Variants in SLC35F1 observed in about 807,000 individuals in gnomAD.
SLC35F1 encodes chromosome 6 open reading frame 169.
SLC35F1 carries 14 observed loss-of-function variants against 48.7 expected under a neutral mutation model. The ratio of observed to expected loss-of-function variants is 0.29; its 90% CI spans 0.19 to 0.45. The LOEUF (loss-of-function observed/expected upper bound fraction) is 0.45. SLC35F1 is among the 20% of genes least tolerant of loss of function. The probability of loss-of-function intolerance (pLI) is 1.00; values close to 1 mark genes in which losing one functional copy is unlikely to be tolerated. For missense variants in SLC35F1, 404 were observed against 500.0 expected (o/e 0.81, Z 1.83); for synonymous variants, 190 against 202.2 (o/e 0.94, Z 0.51).
intron 2 of SLC35F1, among the ~76,000 whole-genome samples, chr6:118,187,262 C>T (rs991346432): frequency 6.6e-6 from 1 of 152,222 alleles, no homozygotes; most frequent in Non-Finnish European, 1.5e-5. Flanking sequence ...GGAGCACTCA[C>T]ATTTTGAGAG....
chr6:118,162,545 C>T (rs1305816203), intron 2 of SLC35F1, among the ~76,000 whole-genome samples: 2 of 152,130 alleles, frequency 1.3e-5, no homozygotes, highest in African/African-American at 4.8e-5. Context: ...TTCAATGCAT[C>T]TGACTGAAGT....
intron 1 of SLC35F1, among the ~76,000 whole-genome samples, chr6:118,145,281 T>C (rs1293836082): frequency 6.6e-6 from 1 of 152,224 alleles, no homozygotes; most frequent in Admixed American, 6.5e-5. Flanking sequence ...ATCAGAGTCT[T>C]TGACACAGGA....
At chr6:117,943,185 A>G (rs770158861) in intron 1 of SLC35F1, among the ~76,000 whole-genome samples, 12 of 152,222 alleles carry the variant, frequency 7.9e-5, no homozygotes, top group Non-Finnish European at 1.6e-4. Context: ...TGACATGTGT[A>G]TCTCTAACCG....
intron 1 of SLC35F1, among the ~76,000 whole-genome samples, chr6:117,937,954 T>C (rs1776180672): frequency 6.6e-6 from 1 of 152,140 alleles, no homozygotes; most frequent in African/African-American, 2.4e-5. Flanking sequence ...CTTCCCCTTA[T>C]GCCACCACAC....
At chr6:118,295,002 A>G (rs146793086) in intron 7 of SLC35F1, among the ~76,000 whole-genome samples, 112 of 152,302 alleles carry the variant, frequency 7.4e-4, no homozygotes, top group Middle Eastern at 3.4e-3. Flanking sequence ...GAGTTACAAA[A>G]TAATCAGAAA....
chr6:118,044,949 ACT>A (rs1265095848), intron 1 of SLC35F1, among the ~76,000 whole-genome samples: 1 of 151,948 alleles, frequency 6.6e-6, no homozygotes, highest in African/African-American at 2.4e-5. Context: ...GTTTGGGAAC[ACT>A]CTTCCTGTGA....
intron 2 of SLC35F1, among the ~76,000 whole-genome samples, chr6:118,229,384 G>A (rs140870167): frequency 6.6e-6 from 1 of 152,282 alleles, no homozygotes; most frequent in Non-Finnish European, 1.5e-5. Flanking sequence ...ATTCAGAGCT[G>A]AGGGCTGGCA....
intron 2 of SLC35F1, among the ~76,000 whole-genome samples, chr6:118,206,923 A>C (rs1698077230): frequency 1.3e-5 from 2 of 152,196 alleles, no homozygotes; most frequent in Admixed American, 1.3e-4. Context: ...TAATACTCTG[A>C]ACAACTGAAT....
At chr6:118,036,168 A>C (rs1183367286) in intron 1 of SLC35F1, among the ~76,000 whole-genome samples, 1 of 152,176 alleles carries the variant, frequency 6.6e-6, no homozygotes, top group East Asian at 1.9e-4. Flanking sequence ...ATACATGTAC[A>C]TAAATTTCCC....
chr6:118,143,188 C>T (rs1182872290), intron 1 of SLC35F1, among the ~76,000 whole-genome samples: 1 of 152,096 alleles, frequency 6.6e-6, no homozygotes, highest in Non-Finnish European at 1.5e-5. Flanking sequence ...GAAAGTGAGT[C>T]ACCGATCCAC....
intron 1 of SLC35F1, among the ~76,000 whole-genome samples, chr6:118,152,333 G>A (rs1774073322): frequency 6.6e-6 from 1 of 152,192 alleles, no homozygotes; most frequent in Non-Finnish European, 1.5e-5. Flanking sequence ...GGTTCCAGAG[G>A]TAGTGGGAAT....
chr6:117,936,503 C>T (rs1458915548), intron 1 of SLC35F1, among the ~76,000 whole-genome samples: 1 of 152,214 alleles, frequency 6.6e-6, no homozygotes, highest in African/African-American at 2.4e-5. Flanking sequence ...GAGTTCTCCT[C>T]CATGTTATCT....
At chr6:118,305,244 TG>T (rs1267495634) in intron 7 of SLC35F1, among the ~76,000 whole-genome samples, 1 of 151,530 alleles carries the variant, frequency 6.6e-6, no homozygotes, top group Non-Finnish European at 1.5e-5. Context: ...TTCCTCTTCC[TG>T]GGGGGCCCTC....
intron 1 of SLC35F1, among the ~76,000 whole-genome samples, chr6:118,000,992 A>T (rs1777084768): frequency 6.6e-6 from 1 of 152,140 alleles, no homozygotes; most frequent in Non-Finnish European, 1.5e-5. Flanking sequence ...CATCGGTAGG[A>T]AGAATCAATA....
At chr6:118,157,276 C>A (rs1243075375) in intron 2 of SLC35F1, among the ~76,000 whole-genome samples, 1 of 151,788 alleles carries the variant, frequency 6.6e-6, no homozygotes, top group African/African-American at 2.4e-5. Context: ...GGAGCGGAGA[C>A]CTTTTTGAAA....
chr6:117,927,244 G>T (rs183686669), intron 1 of SLC35F1, among the ~76,000 whole-genome samples: 1 of 152,334 alleles, frequency 6.6e-6, no homozygotes, highest in East Asian at 1.9e-4. Context: ...GCACAAGAAT[G>T]AAGGCAGAAG....
intron 1 of SLC35F1, among the ~76,000 whole-genome samples, chr6:118,003,058 C>T (rs1777125938): frequency 6.6e-6 from 1 of 152,154 alleles, no homozygotes. Context: ...ACATATATTG[C>T]ACTACTTATT....
At position 118,292,483 on chromosome 6, in the gene SLC35F1, C is replaced by T. The variant is rs544426696; in HGVS notation, c.1002+7145C>T. 5.1e-4 allele frequency among the ~76,000 whole-genome samples: 77 copies of T among 152,268 alleles called. 1 individual carries two copies. Among genetic ancestry groups the T allele is most frequent in the African/African-American group, 1.8e-3 (76 of 41,570 alleles). On this transcript the variant is annotated intron_variant, in intron 7 of 7. Coordinates refer to ENST00000360388, the MANE Select transcript of SLC35F1 (RefSeq NM_001029858.4). Reference sequence around the variant, plus strand: ...GAGGATTGGACCACTGACCTAGTAACCTCTGAGAGCTCACTTGGTTTTACT... The same window carrying T: ...GAGGATTGGACCACTGACCTAGTAATCTCTGAGAGCTCACTTGGTTTTACT...
chr6:118,208,119 G>A (rs978904824), intron 2 of SLC35F1, among the ~76,000 whole-genome samples: 3 of 115,212 alleles, frequency 2.6e-5, no homozygotes, highest in Non-Finnish European at 3.7e-5. Context: ...ACGCGCGCGC[G>A]CGATCACACA....
Sources: gnomAD v4.1 joint callset for allele counts (sites outside exome capture counted in the v4.1 genomes callset) on GRCh38, gnomAD v4.1.1 for gene constraint, MANE v1.5 for transcripts, NCBI Gene and HGNC (gene_info 2026-07-23, HGNC 2026-07-21) for gene names.